Variants in EFCAB6 observed in about 807,000 individuals in gnomAD.
EFCAB6 encodes the protein EF-hand calcium-binding domain-containing protein 6.
A neutral mutation model predicts 169.8 loss-of-function variants in EFCAB6; 156 were observed. That is an observed-to-expected ratio of 0.92 (90% CI 0.81 to 1.05). The LOEUF (loss-of-function observed/expected upper bound fraction) is 1.05. Among genes scored for constraint, EFCAB6 ranks in the 50% least tolerant of loss-of-function variants. The probability of loss-of-function intolerance (pLI) is 0.00; values close to 1 mark genes in which losing one functional copy is unlikely to be tolerated. For synonymous variants in EFCAB6, 698 were observed against 676.4 expected (o/e 1.03, Z -0.50); for missense variants, 1,800 against 1,829.1 (o/e 0.98, Z 0.29).
chr22:43,582,812 G>T (rs1237978293), intron 24 of EFCAB6, among the ~76,000 whole-genome samples: 1 of 152,124 alleles, frequency 6.6e-6, no homozygotes, highest in Non-Finnish European at 1.5e-5. Context: ...CAAAAATATT[G>T]AACGTTATCT....
intron 17 of EFCAB6, among the ~76,000 whole-genome samples, chr22:43,656,074 A>G (rs1223530732): frequency 6.6e-6 from 1 of 152,218 alleles, no homozygotes; most frequent in Non-Finnish European, 1.5e-5. Flanking sequence ...TTCACTCATC[A>G]CTTAATAGAG....
Position 43,608,500 on chromosome 22 carries a change from A to G in EFCAB6, c.2663T>C (p.Phe888Ser), listed in dbSNP as rs1348923133. ...GFDIPLTPRE[F>S]EKLWARYDTE... ...CACTTACCTTGCCCAAAGCTTTTCAAACTCTCTTGGTGTGAGGGGAATATC... is the reference window on the plus strand; with the variant it reads ...CACTTACCTTGCCCAAAGCTTTTCAGACTCTCTTGGTGTGAGGGGAATATC... Residue 888 changes from phenylalanine (F) to serine (S), a missense_variant, in exon 22 of 32, where the codon TTT (phenylalanine) becomes TCT (serine). Physicochemically the swap from Phe to Ser is radical, Grantham distance 155. Transcript: ENST00000262726. The G allele has an allele frequency of 4.3e-6, 7 of 1,613,970 alleles. No homozygotes were observed. Among genetic ancestry groups the G allele is most frequent in the East Asian group, 2.2e-5 (1 of 44,886 alleles).
rs1602115270 is a variant in EFCAB6 at position 43,537,256 on chromosome 22, C to T, written c.4048+121G>A. 3.9e-6 allele frequency: 5 copies of T among 1,291,128 alleles called. No homozygotes were observed. The highest frequency in any genetic ancestry group is 5.4e-6 in the Non-Finnish European group (5 of 931,156). 80.0% of individuals were successfully genotyped at this position (1,291,128 alleles called of 1,614,324 possible). On this transcript the variant is annotated intron_variant, in intron 29 of 31. Transcript: ENST00000262726. The surrounding 1 kb of genome is among the most constrained non-coding windows in gnomAD (Gnocchi z 4.3). ...TGCACAGCCCACCCAGAAGTTCCCA[C>T]CAGTTTCCTGTTCTGCTGCTCCCTG... is the stretch of plus-strand genomic sequence containing the variant.
intron 27 of EFCAB6, chr22:43,554,163 G>A (rs2048553846): frequency 6.6e-6 from 1 of 152,626 alleles, no homozygotes; most frequent in African/African-American, 2.4e-5. Context: ...GGTGGGAACA[G>A]AGGAAAGCAA....
At chr22:43,529,249 C>T (rs889838883) in intron 31 of EFCAB6, among the ~76,000 whole-genome samples, 16 of 152,210 alleles carry the variant, frequency 1.1e-4, no homozygotes, top group Non-Finnish European at 1.5e-4. Flanking sequence ...GGCTGGTCAA[C>T]GTATTCAGAC....
At chr22:43,763,041 T>C (rs1181001757) in intron 5 of EFCAB6, among the ~76,000 whole-genome samples, 1 of 152,048 alleles carries the variant, frequency 6.6e-6, no homozygotes, top group African/African-American at 2.4e-5. Context: ...GCTGCTGCAC[T>C]CATTCATTTT....
intron 13 of EFCAB6, among the ~76,000 whole-genome samples, chr22:43,676,374 A>G (rs1406746676): frequency 1.3e-5 from 2 of 149,934 alleles, no homozygotes; most frequent in African/African-American, 2.5e-5. Flanking sequence ...AGCCGAGATC[A>G]TGCCACTGCA....
intron 20 of EFCAB6, among the ~76,000 whole-genome samples, chr22:43,622,282 T>C (rs1028492928): frequency 1.3e-5 from 2 of 152,210 alleles, no homozygotes; most frequent in African/African-American, 4.8e-5. Context: ...ATAAAGCTCA[T>C]TCTGGCATGC....
chr22:43,694,407 G>C (rs894823106), intron 10 of EFCAB6, among the ~76,000 whole-genome samples: 1 of 151,968 alleles, frequency 6.6e-6, no homozygotes, highest in African/African-American at 2.4e-5. Context: ...AATAACACCA[G>C]GCAGAAAGCA....
At chr22:43,675,221 CTA>C (rs2057673022) in intron 13 of EFCAB6, among the ~76,000 whole-genome samples, 1 of 141,494 alleles carries the variant, frequency 7.1e-6, no homozygotes, top group South Asian at 2.2e-4. Flanking sequence ...TATCATATAA[CTA>C]TGTATATATA....
At chr22:43,569,393 C>G (rs1296694016) in intron 26 of EFCAB6, among the ~76,000 whole-genome samples, 1 of 152,214 alleles carries the variant, frequency 6.6e-6, no homozygotes, top group Non-Finnish European at 1.5e-5. Flanking sequence ...CATATTAGTG[C>G]AGATACTGGG....
chr22:43,784,672 TATATACACAC>T (rs1164902299), intron 2 of EFCAB6, among the ~76,000 whole-genome samples: 9 of 42,916 alleles, frequency 2.1e-4, no homozygotes, highest in Admixed American at 1.1e-3. Context: ...TACATATACA[TATATACACAC>T]ACACACACAC....
chr22:43,789,721 G>A (rs2062208623), intron 2 of EFCAB6, among the ~76,000 whole-genome samples: 2 of 152,094 alleles, frequency 1.3e-5, no homozygotes, highest in South Asian at 4.1e-4. Context: ...GAAAATAAGG[G>A]GAATTTTAGT....
At chr22:43,687,367 C>T (rs927593599) in intron 11 of EFCAB6, 104 bp downstream of exon 11, 4 of 711,608 alleles carry the variant, frequency 5.6e-6, no homozygotes, top group Non-Finnish European at 8.8e-6. Context: ...GGAGACTAAT[C>T]GATCATTCAA....
At chr22:43,604,256 C>A (rs2052751209) in intron 22 of EFCAB6, among the ~76,000 whole-genome samples, 1 of 152,142 alleles carries the variant, frequency 6.6e-6, no homozygotes, top group South Asian at 2.1e-4. Context: ...ATTGCTGGAG[C>A]TGAACATGCT....
At chr22:43,755,538 T>C (rs2060925352) in intron 6 of EFCAB6, among the ~76,000 whole-genome samples, 1 of 152,222 alleles carries the variant, frequency 6.6e-6, no homozygotes, top group African/African-American at 2.4e-5. Context: ...ATTCCAGGAC[T>C]TCTGCTGGTG....
chr22:43,793,365 G>A (rs1001435159), intron 2 of EFCAB6, among the ~76,000 whole-genome samples: 1 of 152,138 alleles, frequency 6.6e-6, no homozygotes, highest in Admixed American at 6.6e-5. Context: ...AGATTCCAAA[G>A]GGCCAGATCT....
intron 10 of EFCAB6, among the ~76,000 whole-genome samples, chr22:43,697,690 G>C: frequency 6.6e-6 from 1 of 152,084 alleles, no homozygotes; most frequent in East Asian, 1.9e-4. Flanking sequence ...TGTCCCAGGG[G>C]CTCCTTTTAT....
At chr22:43,638,081 G>GAGCACCGC (rs2055548066) in intron 17 of EFCAB6, among the ~76,000 whole-genome samples, 1 of 152,158 alleles carries the variant, frequency 6.6e-6, no homozygotes, top group Non-Finnish European at 1.5e-5. Context: ...CGGAGCACCG[G>GAGCACCGC]AGCACCGCAG....
Sources: allele counts gnomAD v4.1 joint callset (sites outside exome capture counted in the v4.1 genomes callset), GRCh38; gene constraint gnomAD v4.1.1; non-coding constraint Gnocchi (gnomAD v3.1); transcripts MANE v1.5; gene names NCBI Gene and HGNC (gene_info 2026-07-23, HGNC 2026-07-21).